The following MINDY3 variants were observed in gnomAD, a reference collection of about 807,000 sequenced individuals.
MINDY3 encodes the protein ubiquitin carboxyl-terminal hydrolase MINDY-3.
Under a neutral mutation model 69.2 loss-of-function variants are expected in MINDY3, and 38 were observed. That is an observed-to-expected ratio of 0.55 (90% CI 0.42 to 0.72). The LOEUF (loss-of-function observed/expected upper bound fraction) is 0.72. Ranked by LOEUF, MINDY3 falls within the 30% of genes least tolerant of loss-of-function variation. MINDY3 has a pLI of 0.00. For synonymous variants in MINDY3, 192 were observed against 180.1 expected, an observed-to-expected ratio of 1.07 and a Z score of -0.53; for missense variants, 522 against 519.0, an observed-to-expected ratio of 1.01 and a Z score of -0.06.
At chr10:15,780,412 C>T (rs1252231238) in intron 14 of MINDY3, among the ~76,000 whole-genome samples, 1 of 152,190 alleles carries the variant, frequency 6.6e-6, no homozygotes, top group African/African-American at 2.4e-5. Flanking sequence ...GCAAAACTGC[C>T]TTCTCTGAAA....
intron 1 of MINDY3, among the ~76,000 whole-genome samples, chr10:15,859,586 C>G (rs946259538): frequency 4.6e-5 from 7 of 152,192 alleles, no homozygotes; most frequent in African/African-American, 1.7e-4. Context: ...GCATACCGGC[C>G]GAGGAAGTAC....
At chr10:15,854,879 AC>A (rs1834583274) in intron 1 of MINDY3, among the ~76,000 whole-genome samples, 3 of 152,120 alleles carry the variant, frequency 2.0e-5, no homozygotes, top group Admixed American at 2.0e-4. Context: ...TGTTAAAACA[AC>A]CAAATTTAAG....
At chr10:15,847,748 A>G (rs1263214258) in intron 2 of MINDY3, 116 bp downstream of exon 2, 2 of 606,674 alleles carry the variant, frequency 3.3e-6, no homozygotes, top group Non-Finnish European at 5.8e-6. Flanking sequence ...AGCAAAAGTT[A>G]AGAGTTAATT....
Position 15,837,853 on chromosome 10 carries a change from T to C in MINDY3, c.461+375A>G, listed in dbSNP as rs115145893. 4,210 of 958,222 alleles carry C rather than the reference T, an allele frequency of 4.4e-3. 90 individuals carry two copies. The African/African-American group carries it at 0.058, about 13-fold the overall frequency. 59.4% of individuals were successfully genotyped at this position (958,222 alleles called of 1,614,324 possible). A position where few individuals can be genotyped will look rare whatever the true frequency, so the allele number is the denominator to read the frequency against. On this transcript the variant is annotated intron_variant, in intron 5 of 14. Transcript: ENST00000277632. ...TTAAATGCTCTAACAAAAATATCGG[T>C]ATTCTTAATAAAAGGTATAGAAAAC...
At chr10:15,854,147 C>G (rs963991185) in intron 1 of MINDY3, among the ~76,000 whole-genome samples, 2 of 152,050 alleles carry the variant, frequency 1.3e-5, no homozygotes, top group African/African-American at 4.8e-5. Context: ...TTCAATTTAA[C>G]AGAGGATGAA....
chr10:15,787,235 C>T (rs114604854), intron 12 of MINDY3, among the ~76,000 whole-genome samples: 2,226 of 152,126 alleles, frequency 0.015, 47 homozygotes, highest in African/African-American at 0.048. Flanking sequence ...TGTATTGGTC[C>T]AGCAGCAGCC....
chr10:15,834,677 A>G, intron 6 of MINDY3, 61 bp from the exon 7 acceptor site: 1 of 1,122,094 alleles, frequency 8.9e-7, no homozygotes, highest in Non-Finnish European at 1.3e-6. Flanking sequence ...ATGACTGTTT[A>G]AAAACTGACT....
Position 15,860,326 on chromosome 10 carries a change from G to A in MINDY3, c.-27C>T, listed in dbSNP as rs1350387670. 2 of 1,534,482 alleles carry A rather than the reference G, an allele frequency of 1.3e-6. No homozygotes were observed. The highest frequency in any genetic ancestry group is 1.8e-6 in the Non-Finnish European group (2 of 1,123,874). ...ATGAGGAACCGGCGGGCGGATCTTC[G>A]CTTTGCGGACTCCTGCCCCGGAACA... On this transcript the variant is annotated 5_prime_UTR_variant, in exon 1 of 15. Coordinates refer to ENST00000277632, the MANE Select transcript of MINDY3 (RefSeq NM_024948.4).
intron 10 of MINDY3, among the ~76,000 whole-genome samples, chr10:15,813,115 C>T (rs1309428747): frequency 6.6e-6 from 1 of 152,100 alleles, no homozygotes; most frequent in Non-Finnish European, 1.5e-5. Context: ...TAATCCTGTT[C>T]CCTTCCTTCC....
chr10:15,852,283 A>G (rs1834358204), intron 1 of MINDY3, among the ~76,000 whole-genome samples: 1 of 152,168 alleles, frequency 6.6e-6, no homozygotes, highest in South Asian at 2.1e-4. Flanking sequence ...ATGTTTTGGC[A>G]TGGAAGATAA....
At chr10:15,783,765 C>A (rs57043351) in intron 13 of MINDY3, among the ~76,000 whole-genome samples, 1 of 152,046 alleles carries the variant, frequency 6.6e-6, no homozygotes, top group African/African-American at 2.4e-5. Flanking sequence ...TCAATTTGAT[C>A]GTTTCCTTAA....
rs527872796 is a variant in MINDY3, at chr10:15,848,147, T to C, written c.95-204A>G. On this transcript the variant is annotated intron_variant, in intron 1 of 14. Transcript: ENST00000277632. Reference sequence around the variant, plus strand: ...ACTCCCAAATGCACGTAAGAGTACATATACTCACACAATTTTGCACCCAGG... The same window carrying C: ...ACTCCCAAATGCACGTAAGAGTACACATACTCACACAATTTTGCACCCAGG... Among the ~76,000 whole-genome samples the C allele has an allele frequency of 2.6e-5, 4 of 152,234 alleles. No homozygotes were observed. The South Asian group carries it at 6.2e-4, about 24-fold the overall frequency.
rs115437651 is a variant in MINDY3, at chr10:15,836,931, C to G, written c.576+273G>C. Among the ~76,000 whole-genome samples, 3 of 151,724 alleles carry G rather than the reference C, an allele frequency of 2.0e-5. No homozygotes were observed. The East Asian group carries it at 5.8e-4, about 29-fold the overall frequency. On this transcript the variant is annotated intron_variant, in intron 6 of 14. Transcript: ENST00000277632. ...AGGGGTTAAGGGGTCAAGTGCTACA[C>G]GGAAGGATCAAAGGAAACACAATTT...
chr10:15,804,543 G>C (rs560170644), intron 10 of MINDY3, among the ~76,000 whole-genome samples: 1 of 152,046 alleles, frequency 6.6e-6, no homozygotes, highest in Non-Finnish European at 1.5e-5. Flanking sequence ...GAACCTCCAA[G>C]AGCATCGTCA....
chr10:15,803,213 T>C (rs1838391449), intron 10 of MINDY3, among the ~76,000 whole-genome samples: 1 of 152,168 alleles, frequency 6.6e-6, no homozygotes, highest in Non-Finnish European at 1.5e-5. Context: ...GTGTTTCATG[T>C]TGCAGTTCTT....
intron 3 of MINDY3, among the ~76,000 whole-genome samples, chr10:15,842,312 A>G (rs1366214004): frequency 6.6e-6 from 1 of 151,900 alleles, no homozygotes; most frequent in Non-Finnish European, 1.5e-5. Context: ...AACTGCAGGA[A>G]CTATGCTGTT....
intron 1 of MINDY3, among the ~76,000 whole-genome samples, chr10:15,848,490 C>T (rs1419586072): frequency 6.6e-6 from 1 of 151,550 alleles, no homozygotes; most frequent in Non-Finnish European, 1.5e-5. Flanking sequence ...AAAAATTAGC[C>T]AGGTGTGGTG....
intron 10 of MINDY3, among the ~76,000 whole-genome samples, chr10:15,801,464 G>A (rs557546182): frequency 6.6e-6 from 1 of 152,138 alleles, no homozygotes; most frequent in East Asian, 1.9e-4. Context: ...CTGCCAGTAA[G>A]AGACCACCTT....
intron 8 of MINDY3, among the ~76,000 whole-genome samples, chr10:15,833,382 C>G (rs2132055204): frequency 6.6e-6 from 1 of 152,216 alleles, no homozygotes; most frequent in East Asian, 1.9e-4. Flanking sequence ...TTTTATACCA[C>G]AGAAAATGAA....
Sources: gnomAD v4.1 joint callset for allele counts (sites outside exome capture counted in the v4.1 genomes callset) on GRCh38, gnomAD v4.1.1 for gene constraint, MANE v1.5 for transcripts, NCBI Gene and HGNC (gene_info 2026-07-23, HGNC 2026-07-21) for gene names.